CCL28: variants seen among roughly 807,000 people sequenced by gnomAD.
The protein encoded by CCL28 is C-C motif chemokine 28.
Under a neutral mutation model 7.1 loss-of-function variants are expected in CCL28, and 4 were observed. That is an observed-to-expected ratio of 0.56 (90% CI 0.28 to 1.29). The LOEUF (loss-of-function observed/expected upper bound fraction) is 1.29. Among genes scored for constraint, CCL28 ranks in the 50% most tolerant of loss-of-function variants. The pLI, the probability that CCL28 is intolerant of heterozygous loss-of-function variation, is 0.11. For synonymous variants in CCL28, 55 were observed against 57.8 expected (o/e 0.95, Z 0.22); for missense variants, 151 against 163.4 (o/e 0.92, Z 0.41).
At chr5:43,370,264 T>C in the CCL28 span, among the ~76,000 whole-genome samples, 38,100 of 152,140 alleles carry the variant, frequency 0.25, 4,961 homozygotes, top group Non-Finnish European at 0.28. Context: ...AAATACCAGT[T>C]AACGAATACA....
chr5:43,363,108 C>T, the CCL28 span, among the ~76,000 whole-genome samples: 1 of 152,128 alleles, frequency 6.6e-6, no homozygotes, highest in Non-Finnish European at 1.5e-5. Context: ...TTATGTCCTC[C>T]ACCTGATAGT....
chr5:43,367,568 A>T, the CCL28 span, among the ~76,000 whole-genome samples: 1 of 152,192 alleles, frequency 6.6e-6, no homozygotes, highest in East Asian at 1.9e-4. Flanking sequence ...TGCACCCACT[A>T]TCTAACCAGT....
intron 1 of CCL28, among the ~76,000 whole-genome samples, chr5:43,411,024 G>A (rs1240209006): frequency 1.3e-5 from 2 of 152,172 alleles, no homozygotes; most frequent in Non-Finnish European, 2.9e-5. Context: ...GCAGGGACCA[G>A]GCAGTTAATA....
At chr5:43,385,057 C>A (rs548354224) in intron 2 of CCL28, among the ~76,000 whole-genome samples, 1 of 152,128 alleles carries the variant, frequency 6.6e-6, no homozygotes, top group Non-Finnish European at 1.5e-5. Flanking sequence ...CCACCATGCC[C>A]GGCTAATTTT....
chr5:43,400,749 G>C lies in CCL28; in HGVS notation c.64+11504C>G, dbSNP rs759836261. Among the ~76,000 whole-genome samples the C allele has an allele frequency of 1.0e-3, 152 of 152,150 alleles. 1 individual carries two copies. Among genetic ancestry groups the C allele is most frequent in the Non-Finnish European group, 1.2e-3 (82 of 68,022 alleles). On this transcript the variant is annotated intron_variant, in intron 1 of 2. Coordinates refer to ENST00000361115, the MANE Select transcript of CCL28 (RefSeq NM_148672.3). ...GACTAAAGATAAAAATGATATAAAA[G>C]ATTCACTTAGCTGCTAGCAGTGTCT...
At chr5:43,357,662 C>T in the CCL28 span, among the ~76,000 whole-genome samples, 1 of 151,930 alleles carries the variant, frequency 6.6e-6, no homozygotes, top group East Asian at 1.9e-4. Flanking sequence ...CCACCCAGGT[C>T]TCTGATGTTC....
At position 43,381,370 on chromosome 5, in the gene CCL28, T is replaced by C. The variant is rs1300367197; in HGVS notation, c.*490A>G. 6.6e-6 allele frequency: 1 copy of C among 152,404 alleles called. No individual in the cohort carries two copies. The highest frequency in any genetic ancestry group is 6.5e-5 in the Admixed American group (1 of 15,294). The allele number at this position is 152,404 out of a possible 1,614,324, so 9.4% of individuals were successfully genotyped here. A position where few individuals can be genotyped will look rare whatever the true frequency, so the allele number is the denominator to read the frequency against. On this transcript the variant is annotated 3_prime_UTR_variant, in exon 3 of 3. Transcript: ENST00000361115. The stretch of plus-strand genomic sequence containing the variant: ...CCTCTTAAAATATTATATGAAGATA[T>C]ACACTATCATTATTATTATTATTTT...
chr5:43,400,038 G>T (rs368991551), intron 1 of CCL28, among the ~76,000 whole-genome samples: 1 of 151,914 alleles, frequency 6.6e-6, no homozygotes, highest in East Asian at 1.9e-4. Flanking sequence ...GCAGAAACAG[G>T]GTGTTGTATG....
chr5:43,363,945 A>G, the CCL28 span, among the ~76,000 whole-genome samples: 1 of 152,230 alleles, frequency 6.6e-6, no homozygotes, highest in Non-Finnish European at 1.5e-5. Flanking sequence ...CTAGTGAATC[A>G]TCATCCCCAA....
the CCL28 span, among the ~76,000 whole-genome samples, chr5:43,359,517 A>C: frequency 0.45 from 68,664 of 152,040 alleles, 16,248 homozygotes; most frequent in Middle Eastern, 0.61. Flanking sequence ...TCATTCTGGT[A>C]AACCCACAAC....
the CCL28 span, among the ~76,000 whole-genome samples, chr5:43,370,951 A>T: frequency 6.6e-6 from 1 of 152,134 alleles, no homozygotes; most frequent in Non-Finnish European, 1.5e-5. Context: ...CACATTGGCC[A>T]GGCTGGTCTC....
chr5:43,392,502 C>T (rs1740616600), intron 1 of CCL28, among the ~76,000 whole-genome samples: 1 of 152,190 alleles, frequency 6.6e-6, no homozygotes, highest in Non-Finnish European at 1.5e-5. Flanking sequence ...TCTTGAAAAA[C>T]AGATTTACAC....
At chr5:43,386,297 TGG>T (rs1424526718) in intron 2 of CCL28, among the ~76,000 whole-genome samples, 1 of 152,234 alleles carries the variant, frequency 6.6e-6, no homozygotes, top group African/African-American at 2.4e-5. Context: ...AATAAAAGAC[TGG>T]TAGAATCTTG....
chr5:43,381,813 C>T lies in CCL28; in HGVS notation c.*47G>A. On this transcript the variant is annotated 3_prime_UTR_variant, in exon 3 of 3. Transcript: ENST00000361115. Reference sequence around the variant, plus strand: ...ATGATAAACTTACAACCAATCATGGCCAAGTCCACTTGAGGAATTGTCTCT... The same window carrying T: ...ATGATAAACTTACAACCAATCATGGTCAAGTCCACTTGAGGAATTGTCTCT... The T allele has an allele frequency of 6.8e-7, 1 of 1,471,130 alleles. No homozygotes were observed. Among genetic ancestry groups the T allele is most frequent in the South Asian group, 1.3e-5 (1 of 79,868 alleles). The allele number at this position is 1,471,130 out of a possible 1,614,324, so 91.1% of individuals were successfully genotyped here. A position where few individuals can be genotyped will look rare whatever the true frequency, so the allele number is the denominator to read the frequency against.
At chr5:43,378,845 C>T (rs777789047), downstream of CCL28, among the ~76,000 whole-genome samples, 5 of 152,022 alleles carry the variant, frequency 3.3e-5, no homozygotes, top group Admixed American at 6.6e-5. Context: ...CCTGTAGTCC[C>T]AGCTACTTGG....
intron 1 of CCL28, among the ~76,000 whole-genome samples, chr5:43,410,302 T>C (rs1477927544): frequency 1.1e-4 from 16 of 152,240 alleles, no homozygotes; most frequent in Admixed American, 1.0e-3. Flanking sequence ...TTGTTAAGAA[T>C]AGCTGTGGCG....
At chr5:43,406,610 C>G (rs1435436228) in intron 1 of CCL28, among the ~76,000 whole-genome samples, 1 of 152,200 alleles carries the variant, frequency 6.6e-6, no homozygotes. Flanking sequence ...CCCTCTCTCA[C>G]CTTCCTATTC....
intron 1 of CCL28, among the ~76,000 whole-genome samples, chr5:43,389,989 T>C (rs1740506929): frequency 6.6e-6 from 1 of 152,188 alleles, no homozygotes; most frequent in Non-Finnish European, 1.5e-5. Context: ...TCAGAATAGT[T>C]CCATTTTTAA....
intron 1 of CCL28, among the ~76,000 whole-genome samples, chr5:43,409,462 G>C (rs1741446903): frequency 6.6e-6 from 1 of 151,982 alleles, no homozygotes; most frequent in South Asian, 2.1e-4. Context: ...AGCTAGGTGT[G>C]GTGGCATGCA....
Sources: allele counts gnomAD v4.1 joint callset (sites outside exome capture counted in the v4.1 genomes callset), GRCh38; gene constraint gnomAD v4.1.1; transcripts MANE v1.5; gene names NCBI Gene and HGNC (gene_info 2026-07-23, HGNC 2026-07-21).